The following PTPRR variants were observed in gnomAD, a reference collection of about 807,000 sequenced individuals.
PTPRR encodes the protein receptor-type tyrosine-protein phosphatase R.
In PTPRR, 38 loss-of-function variants were observed where a neutral mutation model predicts 77.2. The observed-to-expected ratio is 0.49, with a 90% CI of 0.38 to 0.65. PTPRR has a LOEUF of 0.65. PTPRR is among the 30% of genes least tolerant of loss of function. The pLI, the probability that PTPRR is intolerant of heterozygous loss-of-function variation, is 0.00. For synonymous variants in PTPRR, 299 were observed against 283.1 expected (o/e 1.06, Z -0.57); for missense variants, 744 against 799.2 (o/e 0.93, Z 0.83).
At chr12:70,860,556 T>A (rs558242203) in intron 2 of PTPRR, among the ~76,000 whole-genome samples, 1 of 152,158 alleles carries the variant, frequency 6.6e-6, no homozygotes, top group African/African-American at 2.4e-5. Context: ...GTACTTCATG[T>A]GTATGTGCTA....
chr12:70,658,885 T>G (rs899846969), intron 12 of PTPRR, among the ~76,000 whole-genome samples: 32 of 71,204 alleles, frequency 4.5e-4, no homozygotes, highest in Non-Finnish European at 6.6e-4. Context: ...TTGCTCTAGT[T>G]TTTTTTTTTT....
chr12:70,795,195 A>T (rs1891490104), intron 2 of PTPRR, among the ~76,000 whole-genome samples: 1 of 152,160 alleles, frequency 6.6e-6, no homozygotes, highest in Non-Finnish European at 1.5e-5. Context: ...AATTCTCAAA[A>T]GGTCTCAGTT....
chr12:70,788,339 T>C (rs10879195), intron 2 of PTPRR, among the ~76,000 whole-genome samples: 129,717 of 152,190 alleles, frequency 0.85, 55,627 homozygotes, highest in East Asian at 0.94. Context: ...ACACAGGGTA[T>C]CCGAGATGTC....
intron 2 of PTPRR, among the ~76,000 whole-genome samples, chr12:70,871,437 A>T (rs553988959): frequency 5.3e-5 from 8 of 152,292 alleles, no homozygotes; most frequent in Admixed American, 5.2e-4. Flanking sequence ...CTTAGAGGCT[A>T]TTCCAAACCT....
intron 2 of PTPRR, among the ~76,000 whole-genome samples, chr12:70,778,291 G>C (rs902026860): frequency 1.3e-5 from 2 of 151,934 alleles, no homozygotes; most frequent in African/African-American, 4.8e-5. Context: ...GTGGCCTGAG[G>C]CTAGTCTGTC....
chr12:70,749,042 C>T (rs952805336), intron 5 of PTPRR, among the ~76,000 whole-genome samples: 5 of 152,314 alleles, frequency 3.3e-5, no homozygotes, highest in Middle Eastern at 3.4e-3. Context: ...CACACATTTA[C>T]CAGTTCCATC....
At chr12:70,818,438 A>G (rs1471702276) in intron 2 of PTPRR, among the ~76,000 whole-genome samples, 1 of 152,010 alleles carries the variant, frequency 6.6e-6, no homozygotes, top group Non-Finnish European at 1.5e-5. Flanking sequence ...GTACTATGGG[A>G]ATATGAGAGC....
chr12:70,914,568 G>A (rs77428962), intron 1 of PTPRR, among the ~76,000 whole-genome samples: 1,528 of 152,228 alleles, frequency 0.01, 29 homozygotes, highest in African/African-American at 0.034. Flanking sequence ...TTCAGACCTG[G>A]GTCATTGTGA....
chr12:70,879,658 C>CT (rs1034311845), intron 2 of PTPRR, among the ~76,000 whole-genome samples: 2 of 152,108 alleles, frequency 1.3e-5, no homozygotes, highest in African/African-American at 4.8e-5. Context: ...AATATAGTTT[C>CT]TTTTTTTCAT....
intron 1 of PTPRR, among the ~76,000 whole-genome samples, chr12:70,914,055 C>T (rs977723878): frequency 5.3e-5 from 8 of 151,838 alleles, no homozygotes; most frequent in Non-Finnish European, 1.2e-4. Context: ...TGAGGTGAGT[C>T]ATCCAAAAAA....
intron 2 of PTPRR, among the ~76,000 whole-genome samples, chr12:70,770,248 G>A (rs569216909): frequency 1.8e-4 from 27 of 150,054 alleles, no homozygotes; most frequent in East Asian, 1.4e-3. Context: ...GAAAATTTTC[G>A]CAACCTACTC....
At chr12:70,909,846 C>T (rs543608231) in intron 1 of PTPRR, among the ~76,000 whole-genome samples, 40 of 152,202 alleles carry the variant, frequency 2.6e-4, no homozygotes, top group African/African-American at 9.4e-4. Flanking sequence ...AAAGGTTGCC[C>T]GTGGTGGCAG....
At chr12:70,642,425 G>A (rs894512431) in intron 13 of PTPRR, among the ~76,000 whole-genome samples, 8 of 152,070 alleles carry the variant, frequency 5.3e-5, no homozygotes, top group South Asian at 2.1e-4. Context: ...CACTCCCAGC[G>A]TTGTGTCTCC....
chr12:70,824,046 A>G (rs1304604083), intron 2 of PTPRR, among the ~76,000 whole-genome samples: 1 of 152,140 alleles, frequency 6.6e-6, no homozygotes, highest in Non-Finnish European at 1.5e-5. Context: ...ACAACGGTTC[A>G]CAGAACCCTT....
chr12:70,667,080 C>T (rs189088675), intron 10 of PTPRR, among the ~76,000 whole-genome samples: 13 of 151,226 alleles, frequency 8.6e-5, no homozygotes, highest in South Asian at 2.1e-4. Flanking sequence ...CTCAGCCTCC[C>T]GAGTAGCTGG....
intron 4 of PTPRR, among the ~76,000 whole-genome samples, chr12:70,756,861 G>A (rs1183195089): frequency 6.6e-6 from 1 of 152,136 alleles, no homozygotes; most frequent in South Asian, 2.1e-4. Flanking sequence ...AGATACAGAG[G>A]ATCTAGGAGA....
chr12:70,658,882 A>AG (rs1886681238), intron 12 of PTPRR, among the ~76,000 whole-genome samples: 1 of 42,682 alleles, frequency 2.3e-5, no homozygotes, highest in East Asian at 8.7e-4. Context: ...CTTTTGCTCT[A>AG]GTTTTTTTTT....
intron 2 of PTPRR, among the ~76,000 whole-genome samples, chr12:70,874,596 C>T (rs17108954): frequency 0.035 from 5,288 of 152,170 alleles, 315 homozygotes; most frequent in African/African-American, 0.12. Flanking sequence ...CATTATCTTT[C>T]GGGAAACAAT....
intron 8 of PTPRR, among the ~76,000 whole-genome samples, chr12:70,694,281 A>G (rs1888153962): frequency 1.3e-5 from 2 of 152,202 alleles, no homozygotes; most frequent in Non-Finnish European, 1.5e-5. Flanking sequence ...AGTAAATGGC[A>G]TTCTTTAAGT....
Sources: allele counts gnomAD v4.1 joint callset (sites outside exome capture counted in the v4.1 genomes callset), GRCh38; gene constraint gnomAD v4.1.1; transcripts MANE v1.5; gene names NCBI Gene and HGNC (gene_info 2026-07-23, HGNC 2026-07-21).